BRINP2: variants seen among roughly 807,000 people sequenced by gnomAD.
BRINP2 encodes BMP/retinoic acid inducible neural specific 2.
In BRINP2, 21 loss-of-function variants were observed where a neutral mutation model predicts 69.2. The observed-to-expected ratio is 0.30, with a 90% CI of 0.22 to 0.44. BRINP2 has a LOEUF of 0.44. Among genes scored for constraint, BRINP2 ranks in the 20% least tolerant of loss-of-function variants. The pLI is 1.00. For missense variants in BRINP2, 877 were observed against 986.0 expected (o/e 0.89, Z 1.48); for synonymous variants, 380 against 394.1 (o/e 0.96, Z 0.42).
chr1:177,242,272 G>A (rs1271203942), intron 2 of BRINP2, among the ~76,000 whole-genome samples: 1 of 152,028 alleles, frequency 6.6e-6, no homozygotes, highest in Non-Finnish European at 1.5e-5. Flanking sequence ...TGGTCCATCT[G>A]TCCCCCAAAA....
Position 177,281,613 on chromosome 1 carries a change from A to C in BRINP2, c.*85A>C, listed in dbSNP as rs1034812001. On this transcript the variant is annotated 3_prime_UTR_variant, in exon 8 of 8. Coordinates refer to ENST00000361539, the MANE Select transcript of BRINP2 (RefSeq NM_021165.4). ...AATCTAAGCCCTCACCTTAGTGCCAACAGGGTGTGCTCCCACGAGACTTTC... is the reference window on the plus strand; with the variant it reads ...AATCTAAGCCCTCACCTTAGTGCCACCAGGGTGTGCTCCCACGAGACTTTC... The C allele has an allele frequency of 6.8e-7, 1 of 1,472,166 alleles. No homozygotes were observed. Among genetic ancestry groups the C allele is most frequent in the Admixed American group, 2.2e-5 (1 of 44,922 alleles). The allele number at this position is 1,472,166 out of a possible 1,614,324, so 91.2% of individuals were successfully genotyped here. A position where few individuals can be genotyped will look rare whatever the true frequency, so the allele number is the denominator to read the frequency against.
At chr1:177,249,668 C>T (rs965890825) in intron 2 of BRINP2, among the ~76,000 whole-genome samples, 1 of 152,118 alleles carries the variant, frequency 6.6e-6, no homozygotes, top group South Asian at 2.1e-4. Flanking sequence ...AGAAAACATC[C>T]TTTTCTTAGT....
chr1:177,259,852 A>G (rs1381236340), intron 4 of BRINP2, among the ~76,000 whole-genome samples: 1 of 152,196 alleles, frequency 6.6e-6, no homozygotes, highest in Non-Finnish European at 1.5e-5. Flanking sequence ...TTTACAATAT[A>G]CTTGCTCACC....
rs201724870 is a variant in BRINP2, at chr1:177,177,281, AAAAC to A, written c.-77+5564_-77+5567del. Among the ~76,000 whole-genome samples, 461 of 151,644 alleles carry A rather than the reference AAAAC, an allele frequency of 3.0e-3. 21 individuals are homozygous for A. In the East Asian group the frequency reaches 0.076, roughly 25 times the overall value. Reference sequence around the variant, plus strand: ...GGGCAACAGAGCGAGACTCTTTATAAAAACAAACAAACAAACAACAACAACAACA... The same window carrying A: ...GGGCAACAGAGCGAGACTCTTTATAAAAACAAACAAACAACAACAACAACA... On this transcript the variant is annotated intron_variant, in intron 1 of 7. Coordinates refer to ENST00000361539, the MANE Select transcript of BRINP2 (RefSeq NM_021165.4).
At chr1:177,173,775 A>C (rs928313978) in intron 1 of BRINP2, among the ~76,000 whole-genome samples, 1 of 152,222 alleles carries the variant, frequency 6.6e-6, no homozygotes, top group Non-Finnish European at 1.5e-5. Flanking sequence ...AGAGCATCAC[A>C]GAAAAATGAT....
intron 6 of BRINP2, 64 bp downstream of exon 6, chr1:177,276,498 G>A: frequency 6.8e-7 from 1 of 1,465,876 alleles, no homozygotes; most frequent in South Asian, 1.2e-5. Flanking sequence ...CAAGAACATG[G>A]GGAGAACAAA....
intron 4 of BRINP2, among the ~76,000 whole-genome samples, chr1:177,259,108 G>T (rs1270492181): frequency 1.3e-5 from 2 of 152,160 alleles, no homozygotes; most frequent in Admixed American, 1.3e-4. Context: ...CAAATGCAAA[G>T]AAAAAGTCCT....
intron 1 of BRINP2, among the ~76,000 whole-genome samples, chr1:177,228,667 G>A (rs1402933489): frequency 6.6e-6 from 1 of 152,200 alleles, no homozygotes; most frequent in African/African-American, 2.4e-5. Flanking sequence ...CCGAATTGGT[G>A]CTGACGAGGG....
At chr1:177,247,202 A>T (rs921455217) in intron 2 of BRINP2, among the ~76,000 whole-genome samples, 1 of 152,234 alleles carries the variant, frequency 6.6e-6, no homozygotes, top group Non-Finnish European at 1.5e-5. Context: ...ATGAAGAAAG[A>T]GAAGACTTCC....
At chr1:177,264,923 T>A (rs543166788) in intron 4 of BRINP2, among the ~76,000 whole-genome samples, 1 of 152,162 alleles carries the variant, frequency 6.6e-6, no homozygotes, top group Non-Finnish European at 1.5e-5. Flanking sequence ...CAAGCTACCA[T>A]TGACTTTCTT....
intron 4 of BRINP2, among the ~76,000 whole-genome samples, chr1:177,264,944 G>T (rs1477363935): frequency 6.6e-6 from 1 of 152,216 alleles, no homozygotes; most frequent in Middle Eastern, 3.4e-3. Flanking sequence ...CACAGAGTTA[G>T]AAAAAACTAC....
intron 1 of BRINP2, among the ~76,000 whole-genome samples, chr1:177,211,210 A>C (rs959986738): frequency 3.3e-5 from 5 of 152,138 alleles, no homozygotes; most frequent in African/African-American, 1.2e-4. Context: ...AGATGTCAAA[A>C]TTAGAACCAA....
intron 1 of BRINP2, among the ~76,000 whole-genome samples, chr1:177,198,727 C>T (rs1441688850): frequency 1.3e-5 from 2 of 152,168 alleles, no homozygotes; most frequent in African/African-American, 4.8e-5. Context: ...AATAAATGCT[C>T]ACTCAGTCAT....
At chr1:177,197,327 G>A (rs1648775388) in intron 1 of BRINP2, among the ~76,000 whole-genome samples, 1 of 152,092 alleles carries the variant, frequency 6.6e-6, no homozygotes, top group Non-Finnish European at 1.5e-5. Context: ...TCACTATCAT[G>A]AGAACAGCAC....
Position 177,278,597 on chromosome 1 carries a change from T to C in BRINP2, c.1047T>C (p.Asp349=), listed in dbSNP as rs146622218. Reference sequence around the variant, plus strand: ...AGGCCCTGCTGAAAAGGCTGCCCGATGACCGGTTCCTGAACTCCACAGCTA... The same window carrying C: ...AGGCCCTGCTGAAAAGGCTGCCCGACGACCGGTTCCTGAACTCCACAGCTA... ...EFQALLKRLP[D]DRFLNSTAIS... The change falls in exon 7 of 8, where the codon GAT becomes GAC. Residue 349 remains aspartate, a synonymous_variant. Coordinates refer to ENST00000361539, the MANE Select transcript of BRINP2 (RefSeq NM_021165.4). 6.2e-7 allele frequency: 1 copy of C among 1,614,212 alleles called. No individual in the cohort carries two copies. Among genetic ancestry groups the C allele is most frequent in the Admixed American group, 1.7e-5 (1 of 60,022 alleles).
At chr1:177,221,955 A>G (rs1211369128) in intron 1 of BRINP2, among the ~76,000 whole-genome samples, 3 of 152,238 alleles carry the variant, frequency 2.0e-5, no homozygotes, top group African/African-American at 7.2e-5. Context: ...GCTCATAGCC[A>G]GACAACTGGG....
chr1:177,280,270 GT>G, intron 7 of BRINP2, 141 bp from the exon 8 acceptor site: 1 of 887,656 alleles, frequency 1.1e-6, no homozygotes. Context: ...GCAAAGTAGA[GT>G]TTCTGCCACT....
intron 1 of BRINP2, among the ~76,000 whole-genome samples, chr1:177,216,648 T>G (rs1197696934): frequency 1.5e-5 from 1 of 66,774 alleles, no homozygotes. Context: ...TTAAAAGAAC[T>G]CTCTTTTGCA....
intron 2 of BRINP2, among the ~76,000 whole-genome samples, chr1:177,251,182 A>T (rs1434938227): frequency 6.6e-6 from 1 of 152,120 alleles, no homozygotes; most frequent in East Asian, 1.9e-4. Flanking sequence ...TACTCTCTGT[A>T]TGGACTTGGC....
Sources: gnomAD v4.1 joint callset for allele counts (sites outside exome capture counted in the v4.1 genomes callset) on GRCh38, gnomAD v4.1.1 for gene constraint, MANE v1.5 for transcripts, NCBI Gene and HGNC (gene_info 2026-07-23, HGNC 2026-07-21) for gene names.